KHDRBS2: variants seen among roughly 807,000 people sequenced by gnomAD.
KHDRBS2 encodes the protein KH domain-containing, RNA-binding, signal transduction-associated protein 2.
In KHDRBS2, 26 loss-of-function variants were observed where a neutral mutation model predicts 44.3. The observed-to-expected ratio is 0.59, with a 90% CI of 0.43 to 0.81. The LOEUF is 0.81. KHDRBS2 is among the 40% of genes least tolerant of loss of function. The pLI, the probability that KHDRBS2 is intolerant of heterozygous loss-of-function variation, is 0.00. For missense variants in KHDRBS2, 476 were observed against 433.1 expected (o/e 1.10, Z -0.88); for synonymous variants, 194 against 151.1 (o/e 1.28, Z -2.08).
chr6:61,753,231 A>C (rs986358215), intron 6 of KHDRBS2, among the ~76,000 whole-genome samples: 3 of 151,864 alleles, frequency 2.0e-5, no homozygotes, highest in Non-Finnish European at 4.4e-5. Flanking sequence ...AGCCACCTCC[A>C]CTCAGCAGAA....
At chr6:61,739,234 C>A (rs1489328435) in intron 6 of KHDRBS2, among the ~76,000 whole-genome samples, 1 of 151,796 alleles carries the variant, frequency 6.6e-6, no homozygotes, top group African/African-American at 2.4e-5. Flanking sequence ...CAGATAAATG[C>A]TTGCTTATTA....
At chr6:61,773,122 G>A (rs1042529016) in intron 6 of KHDRBS2, among the ~76,000 whole-genome samples, 4 of 152,032 alleles carry the variant, frequency 2.6e-5, no homozygotes, top group African/African-American at 9.7e-5. Context: ...TGTCTTTATA[G>A]CAGCATGATT....
At chr6:62,062,389 C>T (rs1013995158) in intron 2 of KHDRBS2, among the ~76,000 whole-genome samples, 1 of 144,944 alleles carries the variant, frequency 6.9e-6, no homozygotes, top group African/African-American at 2.5e-5. Context: ...TAAAGCTCTC[C>T]TCAGCAAATG....
At chr6:62,251,127 A>G (rs1317982706) in intron 1 of KHDRBS2, among the ~76,000 whole-genome samples, 3 of 151,938 alleles carry the variant, frequency 2.0e-5, no homozygotes, top group Non-Finnish European at 4.4e-5. Context: ...GCAAAGAATC[A>G]TGATGTATAT....
rs1177098158 is a variant in KHDRBS2, at chr6:62,285,751, C to T, written c.91+107G>A. 7.1e-6 allele frequency: 5 copies of T among 708,276 alleles called. No individual in the cohort carries two copies. In the Admixed American group the frequency reaches 1.2e-4, roughly 18 times the overall value. 43.9% of individuals were successfully genotyped at this position (708,276 alleles called of 1,614,324 possible). A position where few individuals can be genotyped will look rare whatever the true frequency, so the allele number is the denominator to read the frequency against. On this transcript the variant is annotated intron_variant, in intron 1 of 8. Transcript: ENST00000281156. ...GCGAGCATCTTCAGGGGGACAGTTT[C>T]TGCGAAGGCGGGGAGAGGAGTCCCT...
chr6:62,019,146 C>T (rs1203945328), intron 3 of KHDRBS2, among the ~76,000 whole-genome samples: 1 of 151,976 alleles, frequency 6.6e-6, no homozygotes, highest in Non-Finnish European at 1.5e-5. Context: ...TCTGGTGGAA[C>T]TGAGCACTAG....
chr6:61,868,987 A>T (rs1478478154), intron 6 of KHDRBS2, among the ~76,000 whole-genome samples: 1 of 151,970 alleles, frequency 6.6e-6, no homozygotes. Flanking sequence ...TCAGGAGGGG[A>T]TCTCCTGATC....
At chr6:61,981,563 G>C (rs1381969814) in intron 3 of KHDRBS2, among the ~76,000 whole-genome samples, 1 of 151,906 alleles carries the variant, frequency 6.6e-6, no homozygotes, top group Non-Finnish European at 1.5e-5. Context: ...TGTCACTTAA[G>C]TAAGTGGATA....
At chr6:62,141,778 A>G (rs991642332) in intron 2 of KHDRBS2, among the ~76,000 whole-genome samples, 7 of 152,132 alleles carry the variant, frequency 4.6e-5, no homozygotes, top group African/African-American at 1.7e-4. Context: ...ATTTCCTTCG[A>G]TAATTTTCAT....
intron 5 of KHDRBS2, 52 bp downstream of exon 5, chr6:61,901,192 C>G: frequency 1.3e-6 from 2 of 1,582,044 alleles, no homozygotes; most frequent in South Asian, 2.3e-5. Context: ...TAAAGCAGGA[C>G]AAAAAAGGCC....
intron 6 of KHDRBS2, among the ~76,000 whole-genome samples, chr6:61,809,642 C>G (rs893564105): frequency 1.3e-5 from 2 of 152,054 alleles, no homozygotes; most frequent in African/African-American, 4.8e-5. Flanking sequence ...GCTTTGCAAA[C>G]CAATGTCAGG....
chr6:61,959,258 C>T (rs1768106740), intron 4 of KHDRBS2, among the ~76,000 whole-genome samples: 1 of 152,176 alleles, frequency 6.6e-6, no homozygotes, highest in African/African-American at 2.4e-5. Flanking sequence ...GTTACCACAT[C>T]ACTTGCCCCC....
rs368901349 is a variant in KHDRBS2, at chr6:62,265,558, G to T, written c.91+20300C>A. ...TAAAAAGTTAAAGCTAATTGAGGAA[G>T]GATTAAGAAAATGAATCAGCTAAGT... On this transcript the variant is annotated intron_variant, in intron 1 of 8. Coordinates refer to ENST00000281156, the MANE Select transcript of KHDRBS2 (RefSeq NM_152688.4). Among the ~76,000 whole-genome samples, 70 of 152,068 alleles carry T rather than the reference G, an allele frequency of 4.6e-4. 1 individual carries two copies. The highest frequency in any genetic ancestry group is 1.7e-3 in the African/African-American group (70 of 41,518).
chr6:62,280,321 G>A (rs1008544219), intron 1 of KHDRBS2, among the ~76,000 whole-genome samples: 3 of 152,168 alleles, frequency 2.0e-5, no homozygotes, highest in Non-Finnish European at 4.4e-5. Flanking sequence ...ACAGCATTGT[G>A]TGTGTTGGTG....
At chr6:62,211,887 T>A (rs1270707034) in intron 1 of KHDRBS2, among the ~76,000 whole-genome samples, 1 of 152,056 alleles carries the variant, frequency 6.6e-6, no homozygotes, top group Non-Finnish European at 1.5e-5. Flanking sequence ...CTCACAATAG[T>A]AAAGACATGG....
At chr6:61,962,947 G>A (rs1429034093) in intron 4 of KHDRBS2, among the ~76,000 whole-genome samples, 1 of 152,074 alleles carries the variant, frequency 6.6e-6, no homozygotes. Flanking sequence ...TTGTTGGTGA[G>A]CATGTATGAT....
At chr6:61,721,947 C>G (rs1453957887) in intron 7 of KHDRBS2, among the ~76,000 whole-genome samples, 1 of 145,822 alleles carries the variant, frequency 6.9e-6, no homozygotes, top group African/African-American at 2.5e-5. Context: ...TTTTGAGATA[C>G]GTCCAATCAA....
chr6:62,161,293 G>A (rs1295478377), intron 2 of KHDRBS2, among the ~76,000 whole-genome samples: 1 of 151,452 alleles, frequency 6.6e-6, no homozygotes, highest in African/African-American at 2.4e-5. Context: ...ATTACAGTTG[G>A]CCCTGCATAT....
chr6:61,593,474 GTT>G, the KHDRBS2 span, among the ~76,000 whole-genome samples: 2,889 of 146,370 alleles, frequency 0.02, 38 homozygotes, highest in Middle Eastern at 0.029. Context: ...TGTACTATAG[GTT>G]TTTTTTTTTT....
Sources: allele counts gnomAD v4.1 joint callset (sites outside exome capture counted in the v4.1 genomes callset), GRCh38; gene constraint gnomAD v4.1.1; transcripts MANE v1.5; gene names NCBI Gene and HGNC (gene_info 2026-07-23, HGNC 2026-07-21).